The following IGSF10 variants were observed in gnomAD, a reference collection of about 807,000 sequenced individuals.
IGSF10 encodes immunoglobulin superfamily member 10, also known as calvaria mechanical force protein 608.
IGSF10 carries 126 observed loss-of-function variants against 128.2 expected under a neutral mutation model. The ratio of observed to expected loss-of-function variants is 0.98; its 90% CI spans 0.85 to 1.14. The LOEUF (loss-of-function observed/expected upper bound fraction) is 1.14, where lower values mean the gene tolerates loss of function less well. IGSF10 is among the 50% of genes most tolerant of loss of function. IGSF10 has a pLI of 0.00. For missense variants in IGSF10, 3,295 were observed against 3,149.8 expected (o/e 1.05, Z -1.10); for synonymous variants, 1,185 against 1,146.2 (o/e 1.03, Z -0.68).
intron 4 of IGSF10, among the ~76,000 whole-genome samples, chr3:151,454,496 A>G (rs1422198113): frequency 6.6e-6 from 1 of 152,196 alleles, no homozygotes; most frequent in Non-Finnish European, 1.5e-5. Context: ...GACATCTGCT[A>G]TGAGTCCATA....
chr3:151,460,338 G>A lies in IGSF10; in HGVS notation c.-79C>T. On this transcript the variant is annotated 5_prime_UTR_variant, in exon 2 of 8. Transcript: ENST00000282466. ...AAATCTTCCCAGGAAATGGAAAATT[G>A]TGTCCAAACCTGAGGGAGGAAAAGT... The A allele has an allele frequency of 2.0e-6, 2 of 976,252 alleles. No homozygotes were observed. The highest frequency in any genetic ancestry group is 2.4e-6 in the Non-Finnish European group (2 of 821,568). The allele number at this position is 976,252 out of a possible 1,614,324, so 60.5% of individuals were successfully genotyped here.
the IGSF10 span, among the ~76,000 whole-genome samples, chr3:151,585,982 AT>A: frequency 9.9e-3 from 1,406 of 141,572 alleles, 11 homozygotes; most frequent in South Asian, 0.031. Flanking sequence ...CACATTAACC[AT>A]TTTTTTTTTT....
the IGSF10 span, among the ~76,000 whole-genome samples, chr3:151,495,313 C>G: frequency 2.6e-4 from 40 of 152,198 alleles, no homozygotes; most frequent in Non-Finnish European, 4.7e-4. Context: ...TCTCATACAA[C>G]AGAGAAGGTC....
chr3:151,512,748 T>A, the IGSF10 span, among the ~76,000 whole-genome samples: 45,145 of 151,792 alleles, frequency 0.3, 7,453 homozygotes, highest in Middle Eastern at 0.42. Context: ...GAGACAAGAA[T>A]CAAATAGACG....
the IGSF10 span, among the ~76,000 whole-genome samples, chr3:151,569,295 C>T: frequency 2.6e-5 from 4 of 152,114 alleles, no homozygotes; most frequent in African/African-American, 9.7e-5. Context: ...TGGTCTTGAA[C>T]CCCTGATCTT....
the IGSF10 span, among the ~76,000 whole-genome samples, chr3:151,518,848 C>T: frequency 5.3e-5 from 8 of 151,810 alleles, no homozygotes; most frequent in African/African-American, 7.2e-5. Flanking sequence ...CTAAAGAGTA[C>T]GCTAGTATTT....
chr3:151,476,077 T>C, the IGSF10 span: 1 of 152,156 alleles, frequency 6.6e-6, no homozygotes, highest in Non-Finnish European at 1.5e-5. Context: ...TAGTGTATCT[T>C]TGGATTTGGA....
the IGSF10 span, among the ~76,000 whole-genome samples, chr3:151,536,874 T>A: frequency 1.3e-5 from 2 of 152,190 alleles, no homozygotes; most frequent in African/African-American, 2.4e-5. Context: ...ATGCAGGTGA[T>A]AAACCAGTCC....
At chr3:151,432,907 T>C, downstream of IGSF10, 1 of 864,432 alleles carries the variant, frequency 1.2e-6, no homozygotes, top group Non-Finnish European at 1.8e-6. Context: ...TTTTCATTTC[T>C]TTGACATTTT....
chr3:151,605,801 T>C, the IGSF10 span, among the ~76,000 whole-genome samples: 1 of 152,244 alleles, frequency 6.6e-6, no homozygotes, highest in Non-Finnish European at 1.5e-5. Flanking sequence ...AACCAGCTTA[T>C]TCCAAGTCAA....
chr3:151,536,678 A>G, the IGSF10 span, among the ~76,000 whole-genome samples: 1 of 152,224 alleles, frequency 6.6e-6, no homozygotes, highest in South Asian at 2.1e-4. Flanking sequence ...TGCCGAATCT[A>G]AAGTACCAGA....
chr3:151,492,252 T>C, the IGSF10 span, among the ~76,000 whole-genome samples: 1 of 152,148 alleles, frequency 6.6e-6, no homozygotes, highest in Non-Finnish European at 1.5e-5. Context: ...AACAGGTATA[T>C]AAAGAGGTGC....
chr3:151,492,412 T>C, the IGSF10 span, among the ~76,000 whole-genome samples: 2 of 152,302 alleles, frequency 1.3e-5, no homozygotes, highest in African/African-American at 4.8e-5. Context: ...CTGATGGGAA[T>C]ATAGACTGGT....
At chr3:151,537,668 G>C in the IGSF10 span, among the ~76,000 whole-genome samples, 81 of 152,026 alleles carry the variant, frequency 5.3e-4, no homozygotes, top group African/African-American at 1.8e-3. Context: ...ATTGACAAAG[G>C]CATTCTAACT....
chr3:151,554,512 T>C, the IGSF10 span, among the ~76,000 whole-genome samples: 2 of 147,960 alleles, frequency 1.4e-5, no homozygotes, highest in African/African-American at 5.3e-5. Context: ...CTAACTCTCA[T>C]AGTTCATTAC....
the IGSF10 span, among the ~76,000 whole-genome samples, chr3:151,531,404 C>G: frequency 6.6e-6 from 1 of 152,072 alleles, no homozygotes. Context: ...ACCACATCAC[C>G]CTTATTCTAA....
chr3:151,613,572 G>A, the IGSF10 span, among the ~76,000 whole-genome samples: 3 of 143,114 alleles, frequency 2.1e-5, no homozygotes, highest in South Asian at 6.8e-4. Flanking sequence ...CAAGCAATGG[G>A]GAAAGGATTC....
At chr3:151,610,981 T>C in the IGSF10 span, among the ~76,000 whole-genome samples, 3 of 152,192 alleles carry the variant, frequency 2.0e-5, no homozygotes, top group African/African-American at 4.8e-5. Flanking sequence ...ATTCAAACCA[T>C]AGCACCAAGG....
the IGSF10 span, among the ~76,000 whole-genome samples, chr3:151,514,156 A>C: frequency 1.3e-5 from 2 of 152,152 alleles, no homozygotes; most frequent in Non-Finnish European, 2.9e-5. Flanking sequence ...AAGAGCCCGC[A>C]TTGCCAAGTC....
Sources: allele counts gnomAD v4.1 joint callset (sites outside exome capture counted in the v4.1 genomes callset), GRCh38; gene constraint gnomAD v4.1.1; transcripts MANE v1.5; gene names NCBI Gene and HGNC (gene_info 2026-07-23, HGNC 2026-07-21).